KCNMB2: variants seen among roughly 807,000 people sequenced by gnomAD.
The protein encoded by KCNMB2 is calcium-activated potassium channel subunit beta-2.
A neutral mutation model predicts 24.5 loss-of-function variants in KCNMB2; 9 were observed. The ratio of observed to expected loss-of-function variants is 0.37; its 90% CI spans 0.22 to 0.64. The LOEUF (loss-of-function observed/expected upper bound fraction) is 0.64, where lower values mean the gene tolerates loss of function less well. KCNMB2 is among the 30% of genes least tolerant of loss of function. The pLI is 0.63. For synonymous variants in KCNMB2, 109 were observed against 104.4 expected (o/e 1.04, Z -0.27); for missense variants, 226 against 284.3 (o/e 0.79, Z 1.47).
chr3:178,753,206 T>C (rs1363681598), intron 1 of KCNMB2, among the ~76,000 whole-genome samples: 1 of 152,220 alleles, frequency 6.6e-6, no homozygotes, highest in African/African-American at 2.4e-5. Flanking sequence ...TAGTAATGAC[T>C]TAACCTTGTA....
At chr3:178,796,044 A>G (rs891343379) in intron 1 of KCNMB2, among the ~76,000 whole-genome samples, 1 of 152,156 alleles carries the variant, frequency 6.6e-6, no homozygotes, top group Non-Finnish European at 1.5e-5. Flanking sequence ...CACTAATATT[A>G]CCACCTTTAT....
intron 1 of KCNMB2, among the ~76,000 whole-genome samples, chr3:178,755,705 CA>C (rs1164905010): frequency 6.6e-6 from 1 of 151,554 alleles, no homozygotes; most frequent in Non-Finnish European, 1.5e-5. Flanking sequence ...CACTTTTTTT[CA>C]AAAAAACTTT....
At chr3:178,693,741 G>A (rs1291822598) in intron 1 of KCNMB2, among the ~76,000 whole-genome samples, 1 of 152,066 alleles carries the variant, frequency 6.6e-6, no homozygotes, top group Admixed American at 6.6e-5. Context: ...TTTGGTATAA[G>A]GATGATGCTG....
intron 1 of KCNMB2, among the ~76,000 whole-genome samples, chr3:178,612,287 T>C (rs1250633161): frequency 6.6e-6 from 1 of 152,154 alleles, no homozygotes; most frequent in Non-Finnish European, 1.5e-5. Context: ...AGTGCAAATT[T>C]AGTCTGATTT....
Position 178,843,100 on chromosome 3 carries a change from A to G in KCNMB2, c.*163A>G. ...AAAAGCTGTTCTATATGCAAACATG[A>G]TGTCTTTATTATTCAGGAGAATAAA... is the stretch of plus-strand genomic sequence containing the variant. On this transcript the variant is annotated 3_prime_UTR_variant, in exon 5 of 5. Transcript: ENST00000452583. 1 of 683,762 alleles carries G rather than the reference A, an allele frequency of 1.5e-6. No homozygotes were observed. The highest frequency in any genetic ancestry group is 2.7e-5 in the East Asian group (1 of 36,420). 42.4% of individuals were successfully genotyped at this position (683,762 alleles called of 1,614,324 possible). A position where few individuals can be genotyped will look rare whatever the true frequency, so the allele number is the denominator to read the frequency against.
chr3:178,559,468 C>T lies in KCNMB2; in HGVS notation c.-68+22757C>T, dbSNP rs180991962. ...TTTTAAAAGAAGCTCTGTCTAGACA[C>T]GCAAACTGAGTTGGAAAATGGATAT... is the stretch of plus-strand genomic sequence containing the variant. On this transcript the variant is annotated intron_variant, in intron 1 of 4. Coordinates refer to ENST00000452583, the MANE Select transcript of KCNMB2 (RefSeq NM_181361.3). Among the ~76,000 whole-genome samples the T allele has an allele frequency of 1.0e-3, 155 of 151,484 alleles. No individual in the cohort carries two copies. In the East Asian group the frequency reaches 0.011, roughly 11 times the overall value.
intron 1 of KCNMB2, among the ~76,000 whole-genome samples, chr3:178,758,526 G>A (rs910713829): frequency 0.23 from 2,896 of 12,352 alleles, 386 homozygotes; most frequent in Middle Eastern, 0.3. Context: ...AAGAGGAGAT[G>A]TATATATATA....
chr3:178,575,027 C>T (rs1167813430), intron 1 of KCNMB2, among the ~76,000 whole-genome samples: 1 of 152,086 alleles, frequency 6.6e-6, no homozygotes, highest in Non-Finnish European at 1.5e-5. Flanking sequence ...AAGATCACGC[C>T]ACTGCACTCA....
intron 1 of KCNMB2, among the ~76,000 whole-genome samples, chr3:178,705,398 C>T (rs1722244204): frequency 6.6e-6 from 1 of 152,140 alleles, no homozygotes; most frequent in African/African-American, 2.4e-5. Context: ...TCACTTGTCT[C>T]TTAGGTCGTT....
chr3:178,674,841 C>T (rs560460430), intron 1 of KCNMB2, among the ~76,000 whole-genome samples: 1 of 152,296 alleles, frequency 6.6e-6, no homozygotes, highest in East Asian at 1.9e-4. Context: ...ACAATGGCCC[C>T]CTTGCCATTG....
intron 2 of KCNMB2, among the ~76,000 whole-genome samples, chr3:178,813,468 AT>A (rs892333585): frequency 7.9e-5 from 12 of 152,070 alleles, no homozygotes; most frequent in South Asian, 6.2e-4. Context: ...GTAGTTACTG[AT>A]TTTTTTCTAT....
At chr3:178,680,982 G>C (rs976898229) in intron 1 of KCNMB2, among the ~76,000 whole-genome samples, 8 of 152,138 alleles carry the variant, frequency 5.3e-5, no homozygotes, top group African/African-American at 1.9e-4. Context: ...GCTCCAGGAG[G>C]CAGATTGTGA....
chr3:178,791,581 C>T (rs1038637747), intron 1 of KCNMB2, among the ~76,000 whole-genome samples: 4 of 112,836 alleles, frequency 3.5e-5, no homozygotes, highest in Admixed American at 1.9e-4. Context: ...GGGATAATAA[C>T]AGAGAAAATC....
chr3:178,736,151 C>T (rs1026129521), intron 1 of KCNMB2, among the ~76,000 whole-genome samples: 4 of 152,116 alleles, frequency 2.6e-5, no homozygotes, highest in African/African-American at 9.7e-5. Flanking sequence ...GAATAAATGT[C>T]TTTTCCAGAA....
intron 1 of KCNMB2, among the ~76,000 whole-genome samples, chr3:178,703,421 G>T (rs188859778): frequency 6.6e-6 from 1 of 152,192 alleles, no homozygotes; most frequent in Admixed American, 6.5e-5. Flanking sequence ...AAGGTATTTA[G>T]TTCTCCATTT....
chr3:178,664,110 T>G (rs1006533264), intron 1 of KCNMB2, among the ~76,000 whole-genome samples: 61 of 152,112 alleles, frequency 4.0e-4, no homozygotes, highest in African/African-American at 1.3e-3. Flanking sequence ...CTCCTGATGG[T>G]TAGGGAGAAC....
intron 1 of KCNMB2, among the ~76,000 whole-genome samples, chr3:178,709,196 G>A (rs1722374187): frequency 6.6e-6 from 1 of 152,130 alleles, no homozygotes; most frequent in African/African-American, 2.4e-5. Context: ...TCTGTTTCAT[G>A]CCTTTAAAAT....
intron 2 of KCNMB2, among the ~76,000 whole-genome samples, chr3:178,815,481 A>T (rs1156718602): frequency 6.6e-6 from 1 of 152,168 alleles, no homozygotes; most frequent in Non-Finnish European, 1.5e-5. Flanking sequence ...TCATAATTAC[A>T]TCATTGGTGA....
intron 1 of KCNMB2, among the ~76,000 whole-genome samples, chr3:178,616,986 T>C (rs921518611): frequency 1.3e-5 from 2 of 152,212 alleles, no homozygotes; most frequent in Non-Finnish European, 2.9e-5. Flanking sequence ...TAGACATCCA[T>C]CTATCTCACT....
Sources: allele counts gnomAD v4.1 joint callset (sites outside exome capture counted in the v4.1 genomes callset), GRCh38; gene constraint gnomAD v4.1.1; transcripts MANE v1.5; gene names NCBI Gene and HGNC (gene_info 2026-07-23, HGNC 2026-07-21).